Variants in SLC28A1 observed in about 807,000 individuals in gnomAD.
SLC28A1 encodes solute carrier family 28 member 1, also known as sodium/nucleoside cotransporter 1.
A neutral mutation model predicts 74.8 loss-of-function variants in SLC28A1; 64 were observed. That is an observed-to-expected ratio of 0.86 (90% confidence interval 0.70 to 1.05). The LOEUF is 1.05. Among genes scored for constraint, SLC28A1 ranks in the 50% least tolerant of loss-of-function variants. The pLI, the probability that SLC28A1 is intolerant of heterozygous loss-of-function variation, is 0.00. For missense variants in SLC28A1, 828 were observed against 822.8 expected (o/e 1.01, Z -0.08); for synonymous variants, 359 against 335.0 (o/e 1.07, Z -0.78).
At chr15:84,888,411 A>G (rs1964861602) in intron 3 of SLC28A1, among the ~76,000 whole-genome samples, 1 of 135,456 alleles carries the variant, frequency 7.4e-6, no homozygotes, top group Non-Finnish European at 1.6e-5. Flanking sequence ...CCCCCACCCA[A>G]AACAGCTCCA....
the SLC28A1 span, among the ~76,000 whole-genome samples, chr15:84,967,270 C>T: frequency 6.6e-6 from 1 of 152,192 alleles, no homozygotes; most frequent in East Asian, 1.9e-4. Context: ...TTGTTTTCCA[C>T]ACAGGTGCTT....
downstream of SLC28A1, among the ~76,000 whole-genome samples, chr15:84,946,083 T>TGTGTG (rs1321419859): frequency 8.3e-5 from 3 of 36,224 alleles, no homozygotes. Context: ...TGTGTGTATG[T>TGTGTG]TCATATATAT....
intron 13 of SLC28A1, among the ~76,000 whole-genome samples, chr15:84,934,193 G>C (rs935996345): frequency 2.0e-5 from 3 of 152,192 alleles, no homozygotes; most frequent in South Asian, 4.1e-4. Context: ...GCAAAAATGC[G>C]CACTCCAGTT....
the SLC28A1 span, among the ~76,000 whole-genome samples, chr15:84,959,810 G>A: frequency 6.6e-5 from 10 of 151,982 alleles, no homozygotes; most frequent in Admixed American, 6.6e-4. Flanking sequence ...TGTTTTGTTT[G>A]TTTTGATCTC....
chr15:84,907,335 G>C (rs1219886729), intron 8 of SLC28A1, among the ~76,000 whole-genome samples: 1 of 152,034 alleles, frequency 6.6e-6, no homozygotes, highest in Non-Finnish European at 1.5e-5. Flanking sequence ...TTGAAACCAG[G>C]TTATGAGACT....
Position 84,943,523 on chromosome 15 carries a change from T to C in SLC28A1, c.1660T>C (p.Leu554=), listed in dbSNP as rs1254795991. The change falls in exon 16 of 19, where the codon TTG becomes CTG. Residue 554 remains leucine (L), a synonymous_variant. Coordinates refer to ENST00000394573, the MANE Select transcript of SLC28A1 (RefSeq NM_004213.5). ...FSSIGIMLGG[L]TSMVPQRKSD... ...CTCCATTGGGATCATGCTGGGAGGCTTGAGTGAGTCTAATCAGGGCCTCAC... is the reference window on the plus strand; with the variant it reads ...CTCCATTGGGATCATGCTGGGAGGCCTGAGTGAGTCTAATCAGGGCCTCAC... The C allele has an allele frequency of 1.2e-6, 2 of 1,613,014 alleles. No homozygotes were observed. The highest frequency in any genetic ancestry group is 1.7e-6 in the Non-Finnish European group (2 of 1,178,942).
At chr15:84,953,361 C>T in the SLC28A1 span, among the ~76,000 whole-genome samples, 6 of 152,210 alleles carry the variant, frequency 3.9e-5, no homozygotes, top group Non-Finnish European at 8.8e-5. Context: ...TCAGGAAGTT[C>T]ATGTCAAGAG....
At chr15:84,954,055 G>A in the SLC28A1 span, among the ~76,000 whole-genome samples, 1 of 152,174 alleles carries the variant, frequency 6.6e-6, no homozygotes, top group African/African-American at 2.4e-5. Flanking sequence ...CTGGACCATG[G>A]CCATCAGAAA....
intron 8 of SLC28A1, among the ~76,000 whole-genome samples, chr15:84,906,516 G>GTTTCTTTCTTTC (rs1344789607): frequency 1.4e-5 from 1 of 70,994 alleles, no homozygotes; most frequent in African/African-American, 8.1e-5. Context: ...TTGTTTGTTT[G>GTTTCTTTCTTTC]TTTGTTTGTT....
rs753788826 is a variant in SLC28A1, at chr15:84,908,720, C to A, written c.720C>A (p.Ile240=). The change falls in exon 9 of 19, where the codon ATC becomes ATA. Residue 240 remains isoleucine (I), a splice_region_variant and synonymous_variant. Coordinates refer to ENST00000394573, the MANE Select transcript of SLC28A1 (RefSeq NM_004213.5). ...AFEWLGEQIR[I]FLSYTKAGSS... is the part of the protein sequence containing the mutation. ...TTTGTTTTGCTTTTTTCTTTCAGAT[C>A]TTCCTGAGCTACACGAAGGCTGGCT... is the stretch of plus-strand genomic sequence containing the variant. The A allele has an allele frequency of 1.2e-6, 2 of 1,613,370 alleles. No individual in the cohort carries two copies. The highest frequency in any genetic ancestry group is 1.7e-6 in the Non-Finnish European group (2 of 1,179,812).
At chr15:84,928,929 C>A (rs1970963503) in intron 12 of SLC28A1, among the ~76,000 whole-genome samples, 1 of 151,978 alleles carries the variant, frequency 6.6e-6, no homozygotes, top group Non-Finnish European at 1.5e-5. Context: ...AGCCTCCAAG[C>A]TCCCAGATTC....
intron 9 of SLC28A1, among the ~76,000 whole-genome samples, chr15:84,916,316 A>C (rs868152373): frequency 6.9e-6 from 1 of 144,302 alleles, no homozygotes; most frequent in Non-Finnish European, 1.5e-5. Flanking sequence ...ATCATGACTT[A>C]CTGCAGCCTC....
intron 5 of SLC28A1, among the ~76,000 whole-genome samples, chr15:84,894,487 A>G (rs189346371): frequency 2.5e-4 from 38 of 152,276 alleles, no homozygotes; most frequent in Non-Finnish European, 4.3e-4. Flanking sequence ...AAAAGGGGAA[A>G]GGAAACTCCA....
chr15:84,886,159 A>C (rs964833865), intron 1 of SLC28A1: 9 of 985,282 alleles, frequency 9.1e-6, no homozygotes, highest in Middle Eastern at 5.2e-4. Context: ...GATGAAATGA[A>C]GGGGAAATGG....
At chr15:84,887,984 C>T in intron 3 of SLC28A1, 128 bp downstream of exon 3, 3 of 716,136 alleles carry the variant, frequency 4.2e-6, no homozygotes, top group Non-Finnish European at 7.6e-6. Context: ...CTTCTCACCT[C>T]TTTGCTGGCA....
At chr15:84,939,281 C>CTG (rs1972359356) in intron 15 of SLC28A1, among the ~76,000 whole-genome samples, 1 of 152,056 alleles carries the variant, frequency 6.6e-6, no homozygotes, top group East Asian at 1.9e-4. Context: ...GATTTTGCCA[C>CTG]TGCACTCTAG....
intron 15 of SLC28A1, among the ~76,000 whole-genome samples, chr15:84,935,945 G>GTTTT (rs1491147464): frequency 2.1e-4 from 18 of 85,912 alleles, no homozygotes; most frequent in African/African-American, 5.8e-4. Flanking sequence ...TTTTGGTTTG[G>GTTTT]TTTTTGTTTT....
At chr15:84,961,472 C>T in the SLC28A1 span, 1 of 453,440 alleles carries the variant, frequency 2.2e-6, no homozygotes, top group South Asian at 1.6e-5. Context: ...GCTGGGACTA[C>T]ATGTATGTGC....
chr15:84,966,397 G>T, the SLC28A1 span, among the ~76,000 whole-genome samples: 1 of 152,056 alleles, frequency 6.6e-6, no homozygotes, highest in African/African-American at 2.4e-5. Flanking sequence ...TCAAAGTCTT[G>T]CTCTGTCACT....
Sources: gnomAD v4.1 joint callset for allele counts (sites outside exome capture counted in the v4.1 genomes callset) on GRCh38, gnomAD v4.1.1 for gene constraint, MANE v1.5 for transcripts, NCBI Gene and HGNC (gene_info 2026-07-23, HGNC 2026-07-21) for gene names.